Variants in ZFHX3 observed in about 807,000 individuals in gnomAD.
The protein encoded by ZFHX3 is zinc finger homeobox protein 3.
Under a neutral mutation model 279.1 loss-of-function variants are expected in ZFHX3, and 42 were observed. That is an observed-to-expected ratio of 0.15 (90% CI 0.12 to 0.19). The LOEUF is 0.19. ZFHX3 is among the 10% of genes least tolerant of loss of function. The pLI, the probability that ZFHX3 is intolerant of heterozygous loss-of-function variation, is 1.00. For synonymous variants in ZFHX3, 2,293 were observed against 1,957.8 expected (o/e 1.17, Z -4.52); for missense variants, 4,981 against 4,754.0 (o/e 1.05, Z -1.40).
intron 5 of ZFHX3, among the ~76,000 whole-genome samples, chr16:73,196,150 GTT>G (rs11357649): frequency 5.7e-5 from 6 of 104,902 alleles, no homozygotes; most frequent in African/African-American, 1.1e-4. Context: ...TCTTGAAATA[GTT>G]TTTTTTTTTT....
At position 73,824,358 on chromosome 16, in the gene ZFHX3, T is replaced by C. The variant is rs1280767673; in HGVS notation, c.-1608+67293A>G. Among the ~76,000 whole-genome samples, 2 of 143,768 alleles carry C rather than the reference T, an allele frequency of 1.4e-5. 1 individual carries two copies. The highest frequency in any genetic ancestry group is 4.3e-4 in the East Asian group (2 of 4,690). 94.3% of individuals were successfully genotyped at this position (143,768 alleles called of 152,430 possible). On this transcript the variant is annotated intron_variant, in intron 1 of 17. Coordinates refer to the ZFHX3 transcript ENST00000641206. ...ATAATCTCCAAAACAATGTCAGAAA[T>C]GTGTTTTCTTTCCAAATAATTTCTT...
chr16:72,784,863 C>CTAT lies in ZFHX3; in HGVS notation c.*2298_*2300dup, dbSNP rs1433154038. On this transcript the variant is annotated 3_prime_UTR_variant, in exon 10 of 10. Coordinates refer to ENST00000268489, the MANE Select transcript of ZFHX3 (RefSeq NM_006885.4). Reference sequence around the variant, plus strand: ...AATATGTACAACATTTCAGGATCTACTATTTCATTAAACTAAAAACAAATT... The same window carrying CTAT: ...AATATGTACAACATTTCAGGATCTACTATTATTTCATTAAACTAAAAACAAATT... 3.3e-5 allele frequency: 5 copies of CTAT among 152,336 alleles called. No individual in the cohort carries two copies. The highest frequency in any genetic ancestry group is 1.2e-4 in the African/African-American group (5 of 41,354). 9.4% of individuals were successfully genotyped at this position (152,336 alleles called of 1,614,324 possible). A position where few individuals can be genotyped will look rare whatever the true frequency, so the allele number is the denominator to read the frequency against.
intron 2 of ZFHX3, among the ~76,000 whole-genome samples, chr16:73,542,838 AC>A (rs1292991221): frequency 6.6e-6 from 1 of 152,060 alleles, no homozygotes; most frequent in East Asian, 1.9e-4. Flanking sequence ...TTATTTGGGA[AC>A]CCTAAACCTT....
chr16:72,950,979 GAGA>G lies in ZFHX3; in HGVS notation c.2720-17_2720-15del, dbSNP rs752771603. On this transcript the variant is annotated splice_polypyrimidine_tract_variant and intron_variant, in intron 2 of 9. Transcript: ENST00000268489. ...TCTCACCGCCCACTGCAGGGAAGGA[GAGA>G]AGGAGAGAGTCAGACACCAGGCTCA... 8.7e-6 allele frequency: 14 copies of G among 1,603,426 alleles called. No individual in the cohort carries two copies. Among genetic ancestry groups the G allele is most frequent in the Admixed American group, 1.7e-5 (1 of 59,744 alleles).
chr16:73,211,890 C>T (rs571665470), intron 5 of ZFHX3, among the ~76,000 whole-genome samples: 2 of 151,996 alleles, frequency 1.3e-5, no homozygotes, highest in East Asian at 3.9e-4. Context: ...CACCTGGCTT[C>T]AATCAGCGCA....
At chr16:72,999,927 G>A (rs796736751) in intron 1 of ZFHX3, among the ~76,000 whole-genome samples, 24 of 152,332 alleles carry the variant, frequency 1.6e-4, no homozygotes, top group African/African-American at 5.8e-4. Context: ...GGGCAACCCG[G>A]GGAAAATGGA....
At chr16:73,425,097 T>C (rs894366727) in intron 3 of ZFHX3, among the ~76,000 whole-genome samples, 31 of 152,312 alleles carry the variant, frequency 2.0e-4, no homozygotes, top group African/African-American at 7.5e-4. Flanking sequence ...GCATAGCACC[T>C]AATATAGTGC....
At chr16:73,649,082 T>G (rs1176319968) in intron 2 of ZFHX3, among the ~76,000 whole-genome samples, 1 of 152,208 alleles carries the variant, frequency 6.6e-6, no homozygotes, top group Non-Finnish European at 1.5e-5. Flanking sequence ...AATATCACAA[T>G]AGCCTTAACC....
At chr16:73,152,150 C>A (rs938717615) in intron 5 of ZFHX3, among the ~76,000 whole-genome samples, 1 of 152,142 alleles carries the variant, frequency 6.6e-6, no homozygotes, top group Non-Finnish European at 1.5e-5. Context: ...TTCATTCAAA[C>A]AACAAGTCAA....
intron 3 of ZFHX3, among the ~76,000 whole-genome samples, chr16:72,935,270 C>T (rs1054441182): frequency 6.6e-6 from 1 of 152,100 alleles, no homozygotes; most frequent in Non-Finnish European, 1.5e-5. Context: ...TATGTTCTGC[C>T]ACCAAAAATG....
chr16:72,997,013 C>T (rs779891013), intron 1 of ZFHX3, among the ~76,000 whole-genome samples: 2 of 152,132 alleles, frequency 1.3e-5, no homozygotes, highest in South Asian at 2.1e-4. Context: ...TGGGCAGAAG[C>T]GCAAGATCCT....
At chr16:73,325,928 A>AAAAAAACACAC in intron 3 of ZFHX3, among the ~76,000 whole-genome samples, 1 of 145,572 alleles carries the variant, frequency 6.9e-6, no homozygotes, top group Non-Finnish European at 1.5e-5. Flanking sequence ...CACACACACA[A>AAAAAAACACAC]ACACACACAC....
chr16:72,824,029 A>G (rs1266421180), intron 5 of ZFHX3, among the ~76,000 whole-genome samples: 1 of 152,174 alleles, frequency 6.6e-6, no homozygotes, highest in Non-Finnish European at 1.5e-5. Context: ...TCCCCATACA[A>G]AGGCATCTCT....
intron 3 of ZFHX3, among the ~76,000 whole-genome samples, chr16:72,943,919 A>G (rs1007598754): frequency 2.6e-5 from 4 of 152,256 alleles, no homozygotes; most frequent in Non-Finnish European, 4.4e-5. Flanking sequence ...GACATTAAAA[A>G]GAGTATCTAC....
At position 72,950,696 on chromosome 16, in the gene ZFHX3, C is replaced by A. The variant is rs2213978; in HGVS notation, c.2989G>T (p.Ala997Ser). 0.018 allele frequency: 28,649 copies of A among 1,614,192 alleles called. 356 individuals are homozygous for A. Among genetic ancestry groups the A allele is most frequent in the Non-Finnish European group, 0.022 (25,663 of 1,180,042 alleles). The change falls in exon 3 of 10, where the codon GCC becomes TCC. Residue 997 changes from alanine to serine, a missense_variant. This residue lies in a region of ZFHX3 where 1,751 missense variants were observed against 1,770.0 expected (regional missense o/e 0.99). Transcript: ENST00000268489. Reference protein sequence around the residue: ...KLCRYNTQLKANFQLHCKTDK... With the variant: ...KLCRYNTQLKSNFQLHCKTDK... Reference sequence around the variant, plus strand: ...GTCTTGCAGTGCAGCTGGAAGTTGGCCTTGAGCTGGGTGTTGTAGCGGCAG... The same window carrying A: ...GTCTTGCAGTGCAGCTGGAAGTTGGACTTGAGCTGGGTGTTGTAGCGGCAG...
At chr16:73,662,401 G>T (rs2052794761) in intron 2 of ZFHX3, among the ~76,000 whole-genome samples, 1 of 151,992 alleles carries the variant, frequency 6.6e-6, no homozygotes, top group Non-Finnish European at 1.5e-5. Context: ...TCATTAGATG[G>T]ATATCTCTTA....
At chr16:73,714,683 C>A (rs572529237) in intron 1 of ZFHX3, among the ~76,000 whole-genome samples, 1 of 152,282 alleles carries the variant, frequency 6.6e-6, no homozygotes, top group East Asian at 1.9e-4. Context: ...TGCTTTCCAC[C>A]ATTACTGTGT....
At chr16:73,838,077 A>C (rs1397665929) in intron 1 of ZFHX3, among the ~76,000 whole-genome samples, 1 of 152,208 alleles carries the variant, frequency 6.6e-6, no homozygotes, top group Non-Finnish European at 1.5e-5. Context: ...TCTCCATTTC[A>C]ACATGACCAC....
chr16:73,212,613 C>A (rs927641367), intron 5 of ZFHX3, among the ~76,000 whole-genome samples: 11 of 152,206 alleles, frequency 7.2e-5, no homozygotes, highest in African/African-American at 2.7e-4. Context: ...TATGGAGCCA[C>A]CTGGATCATT....
Sources: allele counts gnomAD v4.1 joint callset (sites outside exome capture counted in the v4.1 genomes callset), GRCh38; gene constraint gnomAD v4.1.1; regional missense constraint gnomAD v4.1.1; transcripts MANE v1.5; gene names NCBI Gene and HGNC (gene_info 2026-07-23, HGNC 2026-07-21).